ZNF446: variants seen among roughly 807,000 people sequenced by gnomAD.
ZNF446 encodes zinc finger protein 446.
A neutral mutation model predicts 34.0 loss-of-function variants in ZNF446; 42 were observed. The ratio of observed to expected loss-of-function variants is 1.23; its 90% CI spans 0.96 to 1.60. The LOEUF (loss-of-function observed/expected upper bound fraction) is 1.60. ZNF446 is among the 40% of genes most tolerant of loss of function. The pLI is 0.00. For missense variants in ZNF446, 650 were observed against 600.2 expected, an observed-to-expected ratio of 1.08 and a Z score of -0.87; for synonymous variants, 315 against 251.0, an observed-to-expected ratio of 1.25 and a Z score of -2.41.
At chr19:58,482,490 G>C (rs1476107995), downstream of ZNF446, among the ~76,000 whole-genome samples, 1 of 152,158 alleles carries the variant, frequency 6.6e-6, no homozygotes, top group Admixed American at 6.6e-5. Flanking sequence ...TTCAGGAAAT[G>C]GGTGCCCTCT....
At chr19:58,482,115 C>G (rs1287133212), downstream of ZNF446, among the ~76,000 whole-genome samples, 5 of 152,164 alleles carry the variant, frequency 3.3e-5, no homozygotes, top group Non-Finnish European at 7.3e-5. Context: ...TTTAACAGGA[C>G]TGGTTCCTCT....
In ZNF446 at chr19:58,481,196, G is replaced by T. The variant is rs146145193; in HGVS notation, c.*470G>T. The T allele has an allele frequency of 6.1e-6, 1 of 162,938 alleles. No individual in the cohort carries two copies. The highest frequency in any genetic ancestry group is 1.3e-5 in the Non-Finnish European group (1 of 74,976). 10.1% of individuals were successfully genotyped at this position (162,938 alleles called of 1,614,324 possible). A position where few individuals can be genotyped will look rare whatever the true frequency, so the allele number is the denominator to read the frequency against. On this transcript the variant is annotated 3_prime_UTR_variant, in exon 7 of 7. Transcript: ENST00000594369. ...TCCGTTTCTCCTGCTCCCTGTGTGT[G>T]TTAGAATTTTAACATAAATTCCACT...
chr19:58,485,536 C>T (rs1182697731), downstream of ZNF446, among the ~76,000 whole-genome samples: 1 of 151,870 alleles, frequency 6.6e-6, no homozygotes, highest in Non-Finnish European at 1.5e-5. Context: ...GTGGTATTGG[C>T]ACAGGAGTGG....
At chr19:58,478,871 C>A (rs1338548436) in intron 4 of ZNF446, among the ~76,000 whole-genome samples, 2 of 151,924 alleles carry the variant, frequency 1.3e-5, no homozygotes. Context: ...GCAGGACTCC[C>A]CCCACACCTG....
chr19:58,480,728 C>T lies in ZNF446; in HGVS notation c.*2C>T, dbSNP rs1471033003. On this transcript the variant is annotated 3_prime_UTR_variant, in exon 7 of 7. Coordinates refer to ENST00000594369, the MANE Select transcript of ZNF446 (RefSeq NM_017908.4). This position sits in a 1 kb window ranked among gnomAD's most constrained non-coding sequence, Gnocchi z 7.2. ...GGCCACCGGCCGGAGGTTCCATGAG[C>T]AGCCAGACAGCACAGTCCCTCGGGG... 7 of 1,600,640 alleles carry T rather than the reference C, an allele frequency of 4.4e-6. No individual in the cohort carries two copies. In the Admixed American group the frequency reaches 1.0e-4, roughly 23 times the overall value.
At chr19:58,485,583 T>C (rs957551049), downstream of ZNF446, among the ~76,000 whole-genome samples, 1 of 152,158 alleles carries the variant, frequency 6.6e-6, no homozygotes, top group African/African-American at 2.4e-5. Flanking sequence ...CTTTTGGAAC[T>C]TGATATACAT....
chr19:58,477,107 G>A (rs763878406), intron 1 of ZNF446, 72 bp from the exon 2 acceptor site: 86 of 944,926 alleles, frequency 9.1e-5, no homozygotes, highest in Non-Finnish European at 1.3e-4. Context: ...CAGCCCCCTG[G>A]GCTGAGCCTG....
Position 58,477,321 on chromosome 19 carries a change from C to G in ZNF446, c.103C>G (p.Gln35Glu). Reference sequence around the variant, plus strand: ...CCTCCGCTTCCGAGGGTTCTGCTACCAGGAGGTGGCAGGTCCCCGAGAAGC... The same window carrying G: ...CCTCCGCTTCCGAGGGTTCTGCTACGAGGAGGTGGCAGGTCCCCGAGAAGC... ...ARLRFRGFCY[Q>E]EVAGPREALA... Residue 35 changes from glutamine to glutamate, a missense_variant, in exon 2 of 7, where the codon CAG becomes GAG. Transcript: ENST00000594369. The G allele has an allele frequency of 6.2e-7, 1 of 1,613,350 alleles. No individual in the cohort carries two copies. The highest frequency in any genetic ancestry group is 2.2e-5 in the East Asian group (1 of 44,878).
rs1224953660 is a variant in ZNF446 at position 58,480,225 on chromosome 19, G to C, written c.852G>C (p.Gln284His). 8.2e-6 allele frequency: 13 copies of C among 1,594,998 alleles called. No individual in the cohort carries two copies. Among genetic ancestry groups the C allele is most frequent in the Non-Finnish European group, 1.0e-5 (12 of 1,176,864 alleles). ...GCTGCCCAGAGGCCCAGCCGCCCCA[G>C]GGCCCAGGGCCGGCAGCCTGGGAGG... is the stretch of plus-strand genomic sequence containing the variant. Reference protein sequence around the residue: ...PPGCPEAQPPQGPGPAAWEGL... With the variant: ...PPGCPEAQPPHGPGPAAWEGL... The change falls in exon 7 of 7, where the codon CAG becomes CAC. Residue 284 changes from glutamine to histidine, a missense_variant. Physicochemically the swap from Gln to His is conservative, Grantham distance 24. Transcript: ENST00000594369. This position sits in a 1 kb window ranked among gnomAD's most constrained non-coding sequence, Gnocchi z 7.2.
the ZNF446 span, among the ~76,000 whole-genome samples, chr19:58,487,905 T>C: frequency 1.3e-5 from 2 of 152,232 alleles, no homozygotes; most frequent in Non-Finnish European, 2.9e-5. Context: ...CAGAAGAAAC[T>C]AGGCTGATAG....
At position 58,480,292 on chromosome 19, in the gene ZNF446, G is replaced by T; in HGVS notation, c.919G>T (p.Gly307Trp). 6.3e-7 allele frequency: 1 copy of T among 1,578,108 alleles called. No homozygotes were observed. Among genetic ancestry groups the T allele is most frequent in the East Asian group, 2.3e-5 (1 of 43,040 alleles). The change falls in exon 7 of 7, where the codon GGG becomes TGG. Residue 307 changes from glycine to tryptophan, a missense_variant. By Grantham distance (184) the Gly-to-Trp change is radical. Coordinates refer to ENST00000594369, the MANE Select transcript of ZNF446 (RefSeq NM_017908.4). The surrounding 1 kb of genome is among the most constrained non-coding windows in gnomAD (Gnocchi z 7.2). ...AATPAPTVRP[G>W]TPPVPTQPTP... ...CACTCCTGCCCCCACTGTGCGCCCA[G>T]GGACACCGCCAGTGCCCACTCAGCC...
At position 58,477,654 on chromosome 19, in the gene ZNF446, G is replaced by A; in HGVS notation, c.360G>A (p.Leu120=). 1 of 1,613,824 alleles carries A rather than the reference G, an allele frequency of 6.2e-7. No individual in the cohort carries two copies. Among genetic ancestry groups the A allele is most frequent in the Non-Finnish European group, 8.5e-7 (1 of 1,180,034 alleles). The change falls in exon 3 of 7, where the codon CTG becomes CTA. Residue 120 remains leucine, a synonymous_variant. Coordinates refer to ENST00000594369, the MANE Select transcript of ZNF446 (RefSeq NM_017908.4). The part of the protein sequence containing the change: ...QLLGWITAHV[L]KQEVLPAAQK... ...CTCCTCAGATCACAGCCCATGTCCT[G>A]AAGCAGGAGGTGCTCCCTGCAGCCC...
At chr19:58,477,077 AG>A in intron 1 of ZNF446, 101 bp from the exon 2 acceptor site, 2 of 708,658 alleles carry the variant, frequency 2.8e-6, no homozygotes, top group Middle Eastern at 4.2e-4. Flanking sequence ...CTGGCCTCAG[AG>A]TACACTTGGT....
At position 58,480,405 on chromosome 19, in the gene ZNF446, G is replaced by A. The variant is rs759395172; in HGVS notation, c.1032G>A (p.Lys344=). ...AGTGTGGCCGCGGCTTCGACTGGAA[G>A]TCAGTGTTCGTCATCCACCACCGGA... ...CEQCGRGFDW[K]SVFVIHHRTH... is the part of the protein sequence containing the mutation. Residue 344 remains lysine, a synonymous_variant, in exon 7 of 7, where the codon AAG becomes AAA. Coordinates refer to ENST00000594369, the MANE Select transcript of ZNF446 (RefSeq NM_017908.4). This position sits in a 1 kb window ranked among gnomAD's most constrained non-coding sequence, Gnocchi z 7.2. The A allele has an allele frequency of 1.9e-6, 3 of 1,612,960 alleles. No individual in the cohort carries two copies. The highest frequency in any genetic ancestry group is 2.5e-6 in the Non-Finnish European group (3 of 1,179,950).
chr19:58,484,543 G>A (rs961785728), downstream of ZNF446, among the ~76,000 whole-genome samples: 4 of 151,100 alleles, frequency 2.6e-5, no homozygotes, highest in African/African-American at 7.3e-5. Context: ...TGTAGCTCAT[G>A]GCCCCTTCCC....
chr19:58,480,535 T>TTGTGGC lies in ZNF446; in HGVS notation c.1162_1163insTGTGGC (p.Ser388delinsLeuTrpPro). The TTGTGGC allele has an allele frequency of 1.2e-6, 2 of 1,612,408 alleles. No homozygotes were observed. Among genetic ancestry groups the TTGTGGC allele is most frequent in the Non-Finnish European group, 1.7e-6 (2 of 1,179,554 alleles). Reference sequence around the variant, plus strand: ...GGCCTTTCCGCACCACCCCCGACGCTCACTCACAGGCCCCCGGAGTTACCC... The same window carrying TTGTGGC: ...GGCCTTTCCGCACCACCCCCGACGCTTGTGGCCACTCACAGGCCCCCGGAGTTACCC... On this transcript the variant is annotated protein_altering_variant, in exon 7 of 7. Transcript: ENST00000594369. The surrounding 1 kb of genome is among the most constrained non-coding windows in gnomAD (Gnocchi z 7.2).
At chr19:58,482,636 C>T (rs905666054), downstream of ZNF446, among the ~76,000 whole-genome samples, 6 of 152,234 alleles carry the variant, frequency 3.9e-5, 1 homozygote, top group African/African-American at 1.4e-4. Context: ...CGGCCTGAAG[C>T]TGGGAGAGGG....
At chr19:58,486,847 G>A in the ZNF446 span, among the ~76,000 whole-genome samples, 1 of 150,916 alleles carries the variant, frequency 6.6e-6, no homozygotes, top group Non-Finnish European at 1.5e-5. Context: ...CTGTCGCCCG[G>A]GCTAGAGTGC....
rs1360731809 is a variant in ZNF446 at position 58,480,129 on chromosome 19, A to AG, written c.803-43dup. ...TGTGCCACGGCCACAAGCCTGAGGG[A>AG]GGGGTTGCTGAGTGCCGGGACTCAC... On this transcript the variant is annotated intron_variant, in intron 6 of 6. Coordinates refer to ENST00000594369, the MANE Select transcript of ZNF446 (RefSeq NM_017908.4). This position sits in a 1 kb window ranked among gnomAD's most constrained non-coding sequence, Gnocchi z 7.2. The AG allele has an allele frequency of 6.4e-7, 1 of 1,572,116 alleles. No individual in the cohort carries two copies. The highest frequency in any genetic ancestry group is 2.3e-5 in the East Asian group (1 of 43,942).
Sources: gnomAD v4.1 joint callset for allele counts (sites outside exome capture counted in the v4.1 genomes callset) on GRCh38, gnomAD v4.1.1 for gene constraint, Gnocchi (gnomAD v3.1) non-coding constraint, MANE v1.5 for transcripts, NCBI Gene and HGNC (gene_info 2026-07-23, HGNC 2026-07-21) for gene names.